The following UGT2A1 variants were observed in gnomAD, a reference collection of about 807,000 sequenced individuals.
UGT2A1 encodes the protein UDP-glucuronosyltransferase 2A1.
UGT2A1 carries 61 observed loss-of-function variants against 45.4 expected under a neutral mutation model. That is an observed-to-expected ratio of 1.34 (90% CI 1.09 to 1.66). The LOEUF (loss-of-function observed/expected upper bound fraction) is 1.66. Ranked by LOEUF, UGT2A1 falls within the 40% of genes most tolerant of loss-of-function variation. The probability of loss-of-function intolerance (pLI) is 0.00; values close to 1 mark genes in which losing one functional copy is unlikely to be tolerated. For synonymous variants in UGT2A1, 229 were observed against 196.2 expected, an observed-to-expected ratio of 1.17 and a Z score of -1.40; for missense variants, 649 against 574.3, an observed-to-expected ratio of 1.13 and a Z score of -1.33.
At position 69,647,539 on chromosome 4, in the gene UGT2A1, C is replaced by A; in HGVS notation, c.106G>T (p.Val36Phe). The A allele has an allele frequency of 1.2e-6, 2 of 1,612,726 alleles. No homozygotes were observed. Among genetic ancestry groups the A allele is most frequent in the East Asian group, 2.2e-5 (1 of 44,824 alleles). Residue 36 changes from valine (V) to phenylalanine (F), a missense_variant, in exon 2 of 7, where the codon GTT (valine) becomes TTT (phenylalanine). Physicochemically the swap from Val to Phe is conservative, Grantham distance 50. Transcript: ENST00000286604. ...WPMEGSHWLN[V>F]KIIIDELIKK... The stretch of plus-strand genomic sequence containing the variant: ...ATGAGCTCATCTATAATTATCTTAA[C>A]ATTTAGCCAATGACTACCTTCCATT...
intron 2 of UGT2A1, among the ~76,000 whole-genome samples, chr4:69,645,000 C>T (rs189152129): frequency 1.8e-3 from 280 of 151,842 alleles, no homozygotes; most frequent in African/African-American, 6.4e-3. Flanking sequence ...CCAACATTCA[C>T]GCAACCCACT....
chr4:69,638,171 T>TG (rs1480607969), intron 2 of UGT2A1, among the ~76,000 whole-genome samples: 1 of 152,154 alleles, frequency 6.6e-6, no homozygotes, highest in Non-Finnish European at 1.5e-5. Context: ...TTCCTGCTAT[T>TG]GATTAGTGTC....
chr4:69,649,347 C>T (rs777907748), intron 1 of UGT2A1, among the ~76,000 whole-genome samples: 1 of 151,964 alleles, frequency 6.6e-6, no homozygotes, highest in Non-Finnish European at 1.5e-5. Flanking sequence ...AAAATTTTTG[C>T]CTTTCTGGTG....
intron 3 of UGT2A1, among the ~76,000 whole-genome samples, chr4:69,633,286 T>A (rs1721488969): frequency 6.6e-6 from 1 of 152,044 alleles, no homozygotes; most frequent in Admixed American, 6.6e-5. Context: ...AACAGAATGG[T>A]TACAATGAAA....
chr4:69,652,721 C>A (rs1202074102), intron 1 of UGT2A1, among the ~76,000 whole-genome samples: 1 of 152,122 alleles, frequency 6.6e-6, no homozygotes, highest in East Asian at 1.9e-4. Flanking sequence ...AAAATACCCA[C>A]TAAAGATGAC....
chr4:69,598,131 A>G (rs1239782770), intron 4 of UGT2A1, among the ~76,000 whole-genome samples: 1 of 152,174 alleles, frequency 6.6e-6, no homozygotes, highest in Non-Finnish European at 1.5e-5. Context: ...TTCCTATAAT[A>G]AACATTCACT....
At chr4:69,647,856 A>C in intron 1 of UGT2A1, 158 bp from the exon 2 acceptor site, 1 of 378,706 alleles carries the variant, frequency 2.6e-6, no homozygotes, top group Non-Finnish European at 4.7e-6. Context: ...TACTTCTCAA[A>C]TCTGTTGTTT....
At position 69,588,643 on chromosome 4, in the gene UGT2A1, T is replaced by C. The variant is rs1338513393; in HGVS notation, c.*729A>G. On this transcript the variant is annotated 3_prime_UTR_variant, in exon 7 of 7. Coordinates refer to ENST00000286604, the MANE Select transcript of UGT2A1 (RefSeq NM_001252275.3). ...ATCTGTTCACCTTCAACATATAACA[T>C]AGAACTTTCTCCTTGAAATAAAAGA... 2.6e-5 allele frequency: 4 copies of C among 151,968 alleles called. No homozygotes were observed. Among genetic ancestry groups the C allele is most frequent in the African/African-American group, 7.2e-5 (3 of 41,398 alleles). 9.4% of individuals were successfully genotyped at this position (151,968 alleles called of 1,614,324 possible). A position where few individuals can be genotyped will look rare whatever the true frequency, so the allele number is the denominator to read the frequency against.
At position 69,647,404 on chromosome 4, in the gene UGT2A1, C is replaced by T. The variant is rs746698012; in HGVS notation, c.241G>A (p.Glu81Lys). The T allele has an allele frequency of 8.1e-6, 13 of 1,612,880 alleles. No individual in the cohort carries two copies. The highest frequency in any genetic ancestry group is 4.4e-5 in the South Asian group (4 of 90,974). ...TCCTTAATTACTCCTTCTATTCTTT[C>T]TTTGCCAAAGGGCACCTTATATATT... The part of the protein sequence containing the change: ...FEIYKVPFGK[E>K]RIEGVIKDFV... The change falls in exon 2 of 7, where the codon GAA (glutamate) becomes AAA (lysine). Residue 81 changes from glutamate to lysine, a missense_variant. By Grantham distance (56) the Glu-to-Lys change is moderately conservative (BLOSUM62 1). Transcript: ENST00000286604.
At position 69,594,572 on chromosome 4, in the gene UGT2A1, G is replaced by A; in HGVS notation, c.1209C>T (p.His403=). The A allele has an allele frequency of 6.2e-7, 1 of 1,614,136 alleles. No individual in the cohort carries two copies. The highest frequency in any genetic ancestry group is 8.5e-7 in the Non-Finnish European group (1 of 1,180,036). Residue 403 remains histidine (H), a synonymous_variant, in exon 6 of 7, where the codon CAC becomes CAT. Coordinates refer to ENST00000286604, the MANE Select transcript of UGT2A1 (RefSeq NM_001252275.3). ...CCACAGCTGCTCCTTTGGCCTTCAT[G>A]TGAGCAATGTTATCAGGCTGATCAG... ...MFADQPDNIA[H]MKAKGAAVEV...
At chr4:69,618,332 C>T (rs1354551024) in intron 3 of UGT2A1, among the ~76,000 whole-genome samples, 1 of 139,560 alleles carries the variant, frequency 7.2e-6, no homozygotes, top group African/African-American at 2.6e-5. Flanking sequence ...TTAAGTCCAA[C>T]CAGTAACCCC....
rs1244638535 is a variant in UGT2A1, at chr4:69,647,117, G to C, written c.528C>G (p.Ala176=). Residue 176 remains alanine (A), a synonymous_variant, in exon 2 of 7, where the codon GCC becomes GCG. Transcript: ENST00000286604. ...TCCCACAGTGCTTTTCCACTGTTGA[G>C]GCTGGAGAAAACCTCAAGGAGTACA... ...PFMYSLRFSP[A]STVEKHCGKV... 1 of 1,612,812 alleles carries C rather than the reference G, an allele frequency of 6.2e-7. No homozygotes were observed. Among genetic ancestry groups the C allele is most frequent in the East Asian group, 2.2e-5 (1 of 44,850 alleles).
At chr4:69,652,068 G>A (rs762123028) in intron 1 of UGT2A1, among the ~76,000 whole-genome samples, 19 of 151,972 alleles carry the variant, frequency 1.3e-4, no homozygotes, top group Non-Finnish European at 1.9e-4. Context: ...TGAAACTCCC[G>A]TCAGTCTCAT....
chr4:69,606,026 C>G (rs1185030114), intron 3 of UGT2A1, among the ~76,000 whole-genome samples: 2 of 136,658 alleles, frequency 1.5e-5, no homozygotes, highest in African/African-American at 5.9e-5. Flanking sequence ...CCTTCTGAAA[C>G]TATTCCAAGC....
chr4:69,599,672 G>A (rs1163760175), intron 3 of UGT2A1: 1 of 305,298 alleles, frequency 3.3e-6, no homozygotes, highest in Admixed American at 5.2e-5. Context: ...GAGAAAAAGG[G>A]AAGAAAGAGG....
chr4:69,599,429 T>A, intron 3 of UGT2A1, 35 bp from the exon 4 acceptor site: 4 of 1,606,072 alleles, frequency 2.5e-6, no homozygotes, highest in Non-Finnish European at 2.5e-6. Context: ...TGGAGGAAAT[T>A]AGCTTATATG....
In UGT2A1 at chr4:69,635,828, C is replaced by CAAAAAAAAAAACAAAAAAAAAAAA. The variant is rs1721659228; in HGVS notation, c.716-7_716-6insTTTTTTTTTTTTGTTTTTTTTTTT. On this transcript the variant is annotated splice_region_variant and splice_polypyrimidine_tract_variant and intron_variant, in intron 2 of 6. Coordinates refer to ENST00000286604, the MANE Select transcript of UGT2A1 (RefSeq NM_001252275.3). Reference sequence around the variant, plus strand: ...GCAACAGAGTAAGAGTCCACCTCACCAAAAAAAAAAAAAAAAAAAAAAGAG... The same window carrying CAAAAAAAAAAACAAAAAAAAAAAA: ...GCAACAGAGTAAGAGTCCACCTCACCAAAAAAAAAAACAAAAAAAAAAAAAAAAAAAAAAAAAAAAAAAAAAGAG... The CAAAAAAAAAAACAAAAAAAAAAAA allele has an allele frequency of 2.0e-5, 1 of 49,134 alleles. No individual in the cohort carries two copies. The highest frequency in any genetic ancestry group is 6.6e-5 in the African/African-American group (1 of 15,138). The allele number at this position is 49,134 out of a possible 1,614,324, so 3.0% of individuals were successfully genotyped here.
chr4:69,596,883 T>C lies in UGT2A1; in HGVS notation c.997-1634A>G, dbSNP rs184844215. On this transcript the variant is annotated intron_variant, in intron 4 of 6. Coordinates refer to ENST00000286604, the MANE Select transcript of UGT2A1 (RefSeq NM_001252275.3). ...ATGTATAACTTAAATATATAATCAGTGATTACAAGTCCAAGCATGAAAGCA... is the reference window on the plus strand; with the variant it reads ...ATGTATAACTTAAATATATAATCAGCGATTACAAGTCCAAGCATGAAAGCA... Among the ~76,000 whole-genome samples, 6 of 152,270 alleles carry C rather than the reference T, an allele frequency of 3.9e-5. 1 individual carries two copies. Among genetic ancestry groups the C allele is most frequent in the African/African-American group, 1.4e-4 (6 of 41,558 alleles).
At chr4:69,613,304 C>T (rs117248846) in intron 3 of UGT2A1, among the ~76,000 whole-genome samples, 6 of 151,924 alleles carry the variant, frequency 3.9e-5, no homozygotes, top group East Asian at 1.9e-4. Context: ...AAAACCTGAA[C>T]GAGGCATTAT....
Sources: allele counts gnomAD v4.1 joint callset (sites outside exome capture counted in the v4.1 genomes callset), GRCh38; gene constraint gnomAD v4.1.1; transcripts MANE v1.5; gene names NCBI Gene and HGNC (gene_info 2026-07-23, HGNC 2026-07-21).